RALYL: variants seen among roughly 807,000 people sequenced by gnomAD.
The protein encoded by RALYL is RALY RNA binding protein like.
A neutral mutation model predicts 35.1 loss-of-function variants in RALYL; 29 were observed. The observed-to-expected ratio is 0.83, with a 90% CI of 0.61 to 1.13. The LOEUF is 1.13. Ranked by LOEUF, RALYL falls within the 50% of genes most tolerant of loss-of-function variation. The pLI is 0.00. For synonymous variants in RALYL, 120 were observed against 127.6 expected, an observed-to-expected ratio of 0.94 and a Z score of 0.40; for missense variants, 359 against 360.4, an observed-to-expected ratio of 1.00 and a Z score of 0.03.
At position 84,703,233 on chromosome 8, in the gene RALYL, A is replaced by G. The variant is rs528655120; in HGVS notation, c.257-71346A>G. ...ATGTAAGGTCCCCAATCCCTCCAAG[A>G]TTCAAGCCACTAGGCCCAGATGTGA... On this transcript the variant is annotated intron_variant, in intron 2 of 8. Transcript: ENST00000521268. 2.0e-5 allele frequency among the ~76,000 whole-genome samples: 3 copies of G among 152,164 alleles called. No homozygotes were observed. The South Asian group carries it at 6.2e-4, about 32-fold the overall frequency.
chr8:84,374,241 A>G (rs141740331), intron 1 of RALYL, among the ~76,000 whole-genome samples: 2,629 of 152,014 alleles, frequency 0.017, 75 homozygotes, highest in African/African-American at 0.059. Context: ...TTCCAATACT[A>G]TCATGAATAG....
chr8:84,315,135 A>G (rs920384060), intron 1 of RALYL, among the ~76,000 whole-genome samples: 1 of 152,232 alleles, frequency 6.6e-6, no homozygotes, highest in Non-Finnish European at 1.5e-5. Context: ...TTGGAAATAA[A>G]CCAAATGTGC....
intron 2 of RALYL, among the ~76,000 whole-genome samples, chr8:84,682,325 G>A (rs1441320771): frequency 1.3e-5 from 2 of 152,114 alleles, no homozygotes; most frequent in Non-Finnish European, 1.5e-5. Flanking sequence ...TCTCTGCCAG[G>A]CTTTGGTATC....
chr8:84,228,049 G>A (rs1476792320), intron 1 of RALYL, among the ~76,000 whole-genome samples: 2 of 151,530 alleles, frequency 1.3e-5, no homozygotes, highest in Admixed American at 1.3e-4. Flanking sequence ...ACAATATAGA[G>A]CTGTAAGGGA....
At chr8:84,596,916 G>A (rs913484088) in intron 2 of RALYL, among the ~76,000 whole-genome samples, 1 of 152,060 alleles carries the variant, frequency 6.6e-6, no homozygotes, top group African/African-American at 2.4e-5. Flanking sequence ...GAGCAGAAAG[G>A]GGGAGGCTGG....
rs570868764 is a variant in RALYL, at chr8:84,537,289, G to A, written c.256+7712G>A. Among the ~76,000 whole-genome samples, 143 of 151,684 alleles carry A rather than the reference G, an allele frequency of 9.4e-4. 3 individuals carry two copies. In the South Asian group the frequency reaches 0.029, roughly 31 times the overall value. ...GTTTCAGACCTGCTTGGGCAACATG[G>A]CAAAACCCCATCTCTGCAAAAAATA... is the stretch of plus-strand genomic sequence containing the variant. On this transcript the variant is annotated intron_variant, in intron 2 of 8. Transcript: ENST00000521268.
At chr8:84,899,768 C>A (rs1369171166) in intron 8 of RALYL, among the ~76,000 whole-genome samples, 1 of 152,140 alleles carries the variant, frequency 6.6e-6, no homozygotes, top group Non-Finnish European at 1.5e-5. Flanking sequence ...GATAGAAATG[C>A]AAATTTGAAG....
At chr8:84,450,164 G>A (rs571142253) in intron 1 of RALYL, among the ~76,000 whole-genome samples, 1 of 151,840 alleles carries the variant, frequency 6.6e-6, no homozygotes, top group East Asian at 1.9e-4. Flanking sequence ...TTATGTTATT[G>A]GATCAGAATT....
At chr8:84,227,129 C>T (rs1824105471) in intron 1 of RALYL, among the ~76,000 whole-genome samples, 1 of 118,996 alleles carries the variant, frequency 8.4e-6, no homozygotes, top group African/African-American at 3.3e-5. Context: ...GGCATGATTT[C>T]ATCTCACTGA....
chr8:84,231,884 C>T (rs1222109409), intron 1 of RALYL, among the ~76,000 whole-genome samples: 9 of 151,938 alleles, frequency 5.9e-5, no homozygotes, highest in Non-Finnish European at 1.2e-4. Context: ...CAGAAAAGTT[C>T]AGTACAGATC....
chr8:84,241,990 T>C (rs1371868695), intron 1 of RALYL, among the ~76,000 whole-genome samples: 1 of 152,114 alleles, frequency 6.6e-6, no homozygotes, highest in Non-Finnish European at 1.5e-5. Flanking sequence ...TTCTTCCTGA[T>C]GCCCTCCTTC....
At chr8:84,572,265 T>G (rs1808193003) in intron 2 of RALYL, among the ~76,000 whole-genome samples, 1 of 151,774 alleles carries the variant, frequency 6.6e-6, no homozygotes, top group Non-Finnish European at 1.5e-5. Flanking sequence ...CCACTCTATC[T>G]TCTAAATACT....
chr8:84,811,018 G>A (rs188618302), intron 4 of RALYL, among the ~76,000 whole-genome samples: 14 of 152,090 alleles, frequency 9.2e-5, no homozygotes, highest in South Asian at 4.2e-4. Context: ...GTGAGGTACC[G>A]TTGCATTCAT....
intron 2 of RALYL, among the ~76,000 whole-genome samples, chr8:84,766,328 A>G (rs1292002316): frequency 6.6e-6 from 1 of 152,086 alleles, no homozygotes; most frequent in Admixed American, 6.6e-5. Flanking sequence ...AAGTGTAAAT[A>G]GCCAAGAAAA....
At chr8:84,833,618 G>A (rs1315932907) in intron 4 of RALYL, among the ~76,000 whole-genome samples, 2 of 150,006 alleles carry the variant, frequency 1.3e-5, no homozygotes, top group African/African-American at 2.5e-5. Context: ...CTCCAGCCTG[G>A]GTGACAGAGC....
chr8:84,839,414 C>T (rs1474979725), intron 4 of RALYL, among the ~76,000 whole-genome samples: 1 of 152,200 alleles, frequency 6.6e-6, no homozygotes, highest in Admixed American at 6.5e-5. Flanking sequence ...GGCAGCGAAG[C>T]TGGGGGAGGG....
intron 2 of RALYL, among the ~76,000 whole-genome samples, chr8:84,674,853 T>C (rs1833897872): frequency 6.6e-6 from 1 of 152,158 alleles, no homozygotes. Flanking sequence ...ACATTTCTTA[T>C]ATTTTTGAAA....
intron 2 of RALYL, among the ~76,000 whole-genome samples, chr8:84,726,845 G>A (rs1845056869): frequency 6.6e-6 from 1 of 151,986 alleles, no homozygotes; most frequent in Admixed American, 6.6e-5. Flanking sequence ...TGTGAGGGTT[G>A]TAAATATAAA....
intron 1 of RALYL, among the ~76,000 whole-genome samples, chr8:84,203,281 C>CTTT (rs113391957): frequency 1.4e-5 from 2 of 144,518 alleles, no homozygotes; most frequent in Non-Finnish European, 1.5e-5. Context: ...TTCTTTCTTT[C>CTTT]TTTTTTTTTT....
Sources: allele counts gnomAD v4.1 joint callset (sites outside exome capture counted in the v4.1 genomes callset), GRCh38; gene constraint gnomAD v4.1.1; transcripts MANE v1.5; gene names NCBI Gene and HGNC (gene_info 2026-07-23, HGNC 2026-07-21).